Variants in ITGA1 observed in about 807,000 individuals in gnomAD.
ITGA1 encodes the protein integrin subunit alpha 1.
In ITGA1, 85 loss-of-function variants were observed where a neutral mutation model predicts 145.9. That is an observed-to-expected ratio of 0.58 (90% CI 0.49 to 0.70). The LOEUF (loss-of-function observed/expected upper bound fraction) is 0.70. Among genes scored for constraint, ITGA1 ranks in the 30% least tolerant of loss-of-function variants. ITGA1 has a pLI of 0.00. For synonymous variants in ITGA1, 520 were observed against 495.3 expected (o/e 1.05, Z -0.66); for missense variants, 1,351 against 1,418.7 (o/e 0.95, Z 0.77).
chr5:52,830,600 C>T (rs1749045976), intron 1 of ITGA1, among the ~76,000 whole-genome samples: 1 of 152,090 alleles, frequency 6.6e-6, no homozygotes, highest in Non-Finnish European at 1.5e-5. Context: ...AAAATTTTCA[C>T]AAAGTTCTTT....
chr5:52,927,710 T>G, intron 20 of ITGA1, 46 bp downstream of exon 20: 7 of 1,204,790 alleles, frequency 5.8e-6, no homozygotes, highest in Non-Finnish European at 8.6e-6. Context: ...ATATGAAAAG[T>G]AATATGTGCA....
chr5:52,815,168 C>T (rs1332199707), intron 1 of ITGA1, among the ~76,000 whole-genome samples: 1 of 151,950 alleles, frequency 6.6e-6, no homozygotes, highest in Non-Finnish European at 1.5e-5. Context: ...GCAGGGTAGG[C>T]CAAAAACATT....
chr5:52,853,690 T>C (rs1284841735), intron 2 of ITGA1, among the ~76,000 whole-genome samples: 3 of 152,176 alleles, frequency 2.0e-5, no homozygotes, highest in Admixed American at 1.3e-4. Flanking sequence ...GTAATTTATA[T>C]CTTTTGCTCA....
At chr5:52,854,829 T>TTATTCATGGAGAAAA (rs1339887245) in intron 2 of ITGA1, among the ~76,000 whole-genome samples, 1 of 152,170 alleles carries the variant, frequency 6.6e-6, no homozygotes, top group African/African-American at 2.4e-5. Context: ...TAATTGTAGC[T>TTATTCATGGAGAAAA]TATTCATGGA....
intron 6 of ITGA1, among the ~76,000 whole-genome samples, chr5:52,880,675 A>AG (rs1271555190): frequency 6.6e-6 from 1 of 152,218 alleles, no homozygotes; most frequent in Non-Finnish European, 1.5e-5. Context: ...CTTCACCAAC[A>AG]GGCAAAGTAG....
chr5:52,915,252 C>T (rs552369972), intron 14 of ITGA1, among the ~76,000 whole-genome samples: 1 of 152,260 alleles, frequency 6.6e-6, no homozygotes, highest in South Asian at 2.1e-4. Flanking sequence ...TGTCAGTGAC[C>T]TTGTAATGAT....
intron 8 of ITGA1, chr5:52,890,085 A>C (rs1243585190): frequency 6.6e-6 from 1 of 152,148 alleles, no homozygotes; most frequent in East Asian, 1.9e-4. Context: ...ATAATATTAT[A>C]AGCATCCATG....
chr5:52,862,218 CAAAA>C (rs11323830), intron 3 of ITGA1, among the ~76,000 whole-genome samples: 3 of 96,524 alleles, frequency 3.1e-5, no homozygotes, highest in Non-Finnish European at 6.4e-5. Context: ...AACTCCATCT[CAAAA>C]AAAAAAAAAA....
Position 52,933,974 on chromosome 5 carries a change from A to G in ITGA1, c.2942A>G (p.Asn981Ser), listed in dbSNP as rs763795695. ...ATTAATTCTACTGAGGACATTGGAA[A>G]TGAAATTAATATCTTCTACTTGGTA... ...EVINSTEDIG[N>S]EINIFYLIRK... Residue 981 changes from asparagine to serine, a missense_variant, in exon 23 of 29, where the codon AAT becomes AGT. By Grantham distance (46) the Asn-to-Ser change is conservative. Transcript: ENST00000282588. The G allele has an allele frequency of 1.4e-6, 2 of 1,468,566 alleles. No homozygotes were observed. Among genetic ancestry groups the G allele is most frequent in the East Asian group, 2.4e-5 (1 of 40,888 alleles). The allele number at this position is 1,468,566 out of a possible 1,614,324, so 91.0% of individuals were successfully genotyped here.
At chr5:52,845,933 G>A (rs1243202400) in intron 1 of ITGA1, among the ~76,000 whole-genome samples, 3 of 152,176 alleles carry the variant, frequency 2.0e-5, no homozygotes, top group Non-Finnish European at 4.4e-5. Flanking sequence ...CCTAGCACTA[G>A]GGATGTGTTC....
chr5:52,864,854 AAGAATGGAG>A lies in ITGA1; in HGVS notation c.384+10_384+18del. The A allele has an allele frequency of 6.3e-7, 1 of 1,594,932 alleles. No homozygotes were observed. The highest frequency in any genetic ancestry group is 8.6e-7 in the Non-Finnish European group (1 of 1,163,066). ...CCAACCCAAATGGAGGATTTCTGGT[AAGAATGGAG>A]AGAATGATATTTATTGACAACAGAT... On this transcript the variant is annotated splice_donor_5th_base_variant and intron_variant, in intron 4 of 28. Transcript: ENST00000282588.
intron 24 of ITGA1, among the ~76,000 whole-genome samples, chr5:52,938,943 C>T (rs1751012155): frequency 6.6e-6 from 1 of 152,022 alleles, no homozygotes; most frequent in Non-Finnish European, 1.5e-5. Flanking sequence ...CTCTCTGTCA[C>T]CCAGGCTGGA....
At chr5:52,801,821 C>G (rs1359234054) in intron 1 of ITGA1, 2 of 1,608,064 alleles carry the variant, frequency 1.2e-6, no homozygotes, top group Non-Finnish European at 1.7e-6. Context: ...GAGGGTGATT[C>G]CAGTTCTGAA....
At chr5:52,947,496 A>G (rs1156741338) in intron 28 of ITGA1, 35 bp downstream of exon 28, 6 of 1,169,838 alleles carry the variant, frequency 5.1e-6, no homozygotes, top group Admixed American at 1.7e-5. Context: ...CTCTACTTCA[A>G]TCATCAACAG....
intron 1 of ITGA1, among the ~76,000 whole-genome samples, chr5:52,822,565 A>AG (rs1224318191): frequency 6.6e-6 from 1 of 152,170 alleles, no homozygotes; most frequent in Non-Finnish European, 1.5e-5. Context: ...TGGGACACTT[A>AG]GGTGGCTCCT....
At position 52,932,083 on chromosome 5, in the gene ITGA1, T is replaced by C. The variant is rs1196884424; in HGVS notation, c.2808T>C (p.Asn936=). The C allele has an allele frequency of 1.2e-6, 2 of 1,610,890 alleles. No homozygotes were observed. The highest frequency in any genetic ancestry group is 1.3e-5 in the African/African-American group (1 of 74,842). Residue 936 remains asparagine, a synonymous_variant, in exon 22 of 29, where the codon AAT becomes AAC. Transcript: ENST00000282588. ...SEEPPETLSD[N]VVNISIPVKY... ...AACCTCCTGAAACCCTTTCTGATAA[T>C]GTAGTAAACATTTCTATCCCGGTAA...
chr5:52,897,573 C>A, intron 10 of ITGA1, 45 bp downstream of exon 10: 1 of 1,490,114 alleles, frequency 6.7e-7, no homozygotes, highest in Non-Finnish European at 9.3e-7. Context: ...GTTTGCAAGA[C>A]TTCCCTTCCC....
chr5:52,896,676 A>T, intron 9 of ITGA1, among the ~76,000 whole-genome samples: 1 of 152,324 alleles, frequency 6.6e-6, no homozygotes, highest in Admixed American at 6.5e-5. Context: ...ATAAATCAAC[A>T]TTCCATCAAT....
intron 2 of ITGA1, among the ~76,000 whole-genome samples, chr5:52,857,246 G>A (rs879697296): frequency 6.6e-5 from 10 of 152,010 alleles, no homozygotes; most frequent in Admixed American, 2.0e-4. Flanking sequence ...TCAATACTGG[G>A]CTGCTCAGCG....
Sources: allele counts gnomAD v4.1 joint callset (sites outside exome capture counted in the v4.1 genomes callset), GRCh38; gene constraint gnomAD v4.1.1; transcripts MANE v1.5; gene names NCBI Gene and HGNC (gene_info 2026-07-23, HGNC 2026-07-21).